Variants in SEMA5A observed in about 807,000 individuals in gnomAD.
The protein encoded by SEMA5A is semaphorin-5A.
In SEMA5A, 55 loss-of-function variants were observed where a neutral mutation model predicts 135.5. That is an observed-to-expected ratio of 0.41 (90% CI 0.33 to 0.51). The LOEUF is 0.51. SEMA5A is among the 20% of genes least tolerant of loss of function. The pLI is 0.37. For synonymous variants in SEMA5A, 580 were observed against 546.5 expected (o/e 1.06, Z -0.85); for missense variants, 1,290 against 1,419.9 (o/e 0.91, Z 1.47).
chr5:9,397,959 A>T, intron 2 of SEMA5A, among the ~76,000 whole-genome samples: 1 of 152,200 alleles, frequency 6.6e-6, no homozygotes, highest in Non-Finnish European at 1.5e-5. Context: ...CACCATGTTG[A>T]TCACGATTCC....
intron 2 of SEMA5A, among the ~76,000 whole-genome samples, chr5:9,386,464 G>T (rs1469920096): frequency 2.0e-5 from 3 of 152,170 alleles, no homozygotes; most frequent in Non-Finnish European, 4.4e-5. Flanking sequence ...CCTTCCCTGT[G>T]GTCCCTCTCA....
intron 16 of SEMA5A, among the ~76,000 whole-genome samples, chr5:9,097,739 T>C (rs1739400447): frequency 6.6e-6 from 1 of 152,108 alleles, no homozygotes; most frequent in Non-Finnish European, 1.5e-5. Flanking sequence ...GCATGGAATG[T>C]CTCCTGGAAC....
In SEMA5A at chr5:9,337,794, C is replaced by T. The variant is rs763774399; in HGVS notation, c.143G>A (p.Arg48Gln). The T allele has an allele frequency of 3.4e-5, 55 of 1,605,058 alleles. No homozygotes were observed. Among genetic ancestry groups the T allele is most frequent in the Middle Eastern group, 3.3e-4 (2 of 6,048 alleles). ...ISYKEIGPWL[R>Q]EFRAKNAVDF... is the part of the protein sequence containing the mutation. ...CACAGCATTCTTCGCTCTGAACTCC[C>T]GTAACCAGGGGCCAATTTCTAAATA... Residue 48 changes from arginine (R) to glutamine (Q), a missense_variant, in exon 4 of 23, where the codon CGG becomes CAG. By Grantham distance (43) the Arg-to-Gln change is conservative. This residue lies in a region of SEMA5A where 116 missense variants were observed against 121.3 expected (regional missense o/e 0.96). Transcript: ENST00000382496.
intron 9 of SEMA5A, among the ~76,000 whole-genome samples, chr5:9,199,427 C>T (rs1745585956): frequency 1.3e-5 from 2 of 152,202 alleles, no homozygotes; most frequent in Admixed American, 6.5e-5. Flanking sequence ...GCCCTCCCCG[C>T]TCTTCCTAGG....
intron 8 of SEMA5A, among the ~76,000 whole-genome samples, chr5:9,216,287 A>T (rs1051459579): frequency 3.3e-5 from 5 of 152,090 alleles, no homozygotes; most frequent in African/African-American, 1.2e-4. Flanking sequence ...ATGTAGTTAC[A>T]TGGTTTTTTG....
At chr5:9,275,100 A>T (rs1750186231) in intron 5 of SEMA5A, among the ~76,000 whole-genome samples, 1 of 152,126 alleles carries the variant, frequency 6.6e-6, no homozygotes, top group Non-Finnish European at 1.5e-5. Flanking sequence ...CTAATAAAGA[A>T]AAAAAGAGAG....
intron 1 of SEMA5A, among the ~76,000 whole-genome samples, chr5:9,512,702 C>T (rs1036190409): frequency 1.3e-5 from 2 of 152,130 alleles, no homozygotes; most frequent in African/African-American, 2.4e-5. Flanking sequence ...TGTTATGCAT[C>T]CTGCTTTTCC....
intron 11 of SEMA5A, among the ~76,000 whole-genome samples, chr5:9,177,275 A>G (rs1744254989): frequency 6.6e-6 from 1 of 152,208 alleles, no homozygotes; most frequent in Non-Finnish European, 1.5e-5. Flanking sequence ...TACCCTAAAG[A>G]ATTGACTTCA....
chr5:9,300,881 T>G (rs1475919949), intron 5 of SEMA5A, among the ~76,000 whole-genome samples: 2 of 152,164 alleles, frequency 1.3e-5, no homozygotes, highest in African/African-American at 4.8e-5. Flanking sequence ...GATGAAGCTT[T>G]CTCCCCTAGA....
At chr5:9,438,640 G>A (rs1053196049) in intron 1 of SEMA5A, among the ~76,000 whole-genome samples, 1 of 152,142 alleles carries the variant, frequency 6.6e-6, no homozygotes, top group Non-Finnish European at 1.5e-5. Context: ...GCATTTCAGG[G>A]CTCATGCTTT....
At chr5:9,415,333 A>G (rs1223904724) in intron 2 of SEMA5A, among the ~76,000 whole-genome samples, 1 of 152,188 alleles carries the variant, frequency 6.6e-6, no homozygotes. Flanking sequence ...GAGTTCTCCT[A>G]TCTAATAAAG....
rs1488111544 is a variant in SEMA5A, at chr5:9,273,746, A to T, written c.271-35856T>A. 5.9e-5 allele frequency among the ~76,000 whole-genome samples: 9 copies of T among 152,150 alleles called. 1 individual carries two copies. Among genetic ancestry groups the T allele is most frequent in the Non-Finnish European group, 1.0e-4 (7 of 68,018 alleles). On this transcript the variant is annotated intron_variant, in intron 5 of 22. Coordinates refer to ENST00000382496, the MANE Select transcript of SEMA5A (RefSeq NM_003966.3). ...TTCATATCCAGCCAAACTAAGCTTC[A>T]TAAGTGAATGAGAAATAAAATCCTT... is the stretch of plus-strand genomic sequence containing the variant.
chr5:9,409,038 A>G (rs2126596877), intron 2 of SEMA5A, among the ~76,000 whole-genome samples: 1 of 152,322 alleles, frequency 6.6e-6, no homozygotes, highest in Admixed American at 6.5e-5. Flanking sequence ...CTAAGACCTG[A>G]GAAAGGGTAG....
chr5:9,490,994 T>C (rs1377437617), intron 1 of SEMA5A, among the ~76,000 whole-genome samples: 1 of 152,160 alleles, frequency 6.6e-6, no homozygotes, highest in Non-Finnish European at 1.5e-5. Context: ...GGAGTGGCTC[T>C]TATGCCACAG....
In SEMA5A at chr5:9,255,860, A is replaced by C. The variant is rs200589841; in HGVS notation, c.271-17970T>G. Among the ~76,000 whole-genome samples, 10 of 152,250 alleles carry C rather than the reference A, an allele frequency of 6.6e-5. No individual in the cohort carries two copies. The East Asian group carries it at 1.9e-3, about 29-fold the overall frequency. ...CATATCCAAAAGCATCTCAAACGTAATACATGTAAATCACCAGCCATGATT... is the reference window on the plus strand; with the variant it reads ...CATATCCAAAAGCATCTCAAACGTACTACATGTAAATCACCAGCCATGATT... On this transcript the variant is annotated intron_variant, in intron 5 of 22. Transcript: ENST00000382496.
chr5:9,476,515 C>A (rs771093835), intron 1 of SEMA5A, among the ~76,000 whole-genome samples: 2 of 152,054 alleles, frequency 1.3e-5, no homozygotes, highest in African/African-American at 2.4e-5. Context: ...ATGCCAGGTA[C>A]CAGGAGGGTT....
At chr5:9,290,677 T>A (rs1450262648) in intron 5 of SEMA5A, among the ~76,000 whole-genome samples, 2 of 152,178 alleles carry the variant, frequency 1.3e-5, no homozygotes, top group African/African-American at 2.4e-5. Context: ...GCGCTAGATA[T>A]ACAGAAACAT....
intron 5 of SEMA5A, among the ~76,000 whole-genome samples, chr5:9,253,207 C>T (rs1748891492): frequency 6.6e-6 from 1 of 152,110 alleles, no homozygotes; most frequent in African/African-American, 2.4e-5. Flanking sequence ...AGTTGTCTGC[C>T]TCATTTCCTA....
At chr5:9,455,340 C>A (rs1758793609) in intron 1 of SEMA5A, among the ~76,000 whole-genome samples, 1 of 151,928 alleles carries the variant, frequency 6.6e-6, no homozygotes, top group Non-Finnish European at 1.5e-5. Context: ...ACTGTAATCT[C>A]CGCCTCCCAG....
Sources: gnomAD v4.1 joint callset for allele counts (sites outside exome capture counted in the v4.1 genomes callset) on GRCh38, gnomAD v4.1.1 for gene constraint, gnomAD v4.1.1 regional missense constraint, MANE v1.5 for transcripts, NCBI Gene and HGNC (gene_info 2026-07-23, HGNC 2026-07-21) for gene names.